The following DCC variants were observed in gnomAD, a reference collection of about 807,000 sequenced individuals.
The protein encoded by DCC is netrin receptor DCC.
Under a neutral mutation model 172.5 loss-of-function variants are expected in DCC, and 58 were observed. That is an observed-to-expected ratio of 0.34 (90% CI 0.27 to 0.42). The LOEUF (loss-of-function observed/expected upper bound fraction) is 0.42. Ranked by LOEUF, DCC falls within the 10% of genes least tolerant of loss-of-function variation. The pLI is 1.00. For missense variants in DCC, 1,740 were observed against 1,791.0 expected (o/e 0.97, Z 0.51); for synonymous variants, 709 against 644.5 (o/e 1.10, Z -1.52).
chr18:53,424,552 T>C (rs9950211), intron 21 of DCC, among the ~76,000 whole-genome samples: 5,686 of 152,192 alleles, frequency 0.037, 367 homozygotes, highest in African/African-American at 0.13. Flanking sequence ...AGATAAATCA[T>C]TGTGGGCTGG....
intron 14 of DCC, among the ~76,000 whole-genome samples, chr18:53,328,689 CA>C (rs1478926820): frequency 4.6e-5 from 7 of 152,046 alleles, no homozygotes; most frequent in Non-Finnish European, 7.4e-5. Context: ...CATCCACCAC[CA>C]TGCTTGGCTA....
intron 12 of DCC, among the ~76,000 whole-genome samples, chr18:53,254,766 C>G (rs945374892): frequency 5.9e-5 from 9 of 151,998 alleles, no homozygotes; most frequent in African/African-American, 1.9e-4. Flanking sequence ...TGGTCTTAAA[C>G]CTCACTCAGG....
intron 1 of DCC, among the ~76,000 whole-genome samples, chr18:52,685,326 A>T (rs140962016): frequency 1.1e-3 from 174 of 152,194 alleles, no homozygotes; most frequent in African/African-American, 4.1e-3. Flanking sequence ...TTTATTGATC[A>T]TTTCTCTTTA....
intron 5 of DCC, among the ~76,000 whole-genome samples, chr18:53,031,907 A>C (rs2042031095): frequency 6.6e-6 from 1 of 152,022 alleles, no homozygotes; most frequent in African/African-American, 2.4e-5. Context: ...AACTAATTTT[A>C]ATTTTCTGTT....
chr18:53,048,079 T>C (rs1243340177), intron 5 of DCC, among the ~76,000 whole-genome samples: 1 of 152,000 alleles, frequency 6.6e-6, no homozygotes, highest in African/African-American at 2.4e-5. Context: ...CTTTTTCTTT[T>C]GAGTTATGTT....
At chr18:53,042,547 T>C (rs2042183031) in intron 5 of DCC, among the ~76,000 whole-genome samples, 2 of 152,012 alleles carry the variant, frequency 1.3e-5, no homozygotes, top group Admixed American at 1.3e-4. Context: ...AGTCCCTCTT[T>C]TTCTATTGTT....
At chr18:52,361,088 A>C (rs1460112795) in intron 1 of DCC, among the ~76,000 whole-genome samples, 1 of 152,224 alleles carries the variant, frequency 6.6e-6, no homozygotes, top group Non-Finnish European at 1.5e-5. Flanking sequence ...TGAAGCTGAC[A>C]GTCATGTTGA....
At chr18:52,342,028 C>T (rs59493947) in intron 1 of DCC, among the ~76,000 whole-genome samples, 2,783 of 152,272 alleles carry the variant, frequency 0.018, 73 homozygotes, top group African/African-American at 0.064. Context: ...CCCCCAGCCT[C>T]CCCGGAGTCC....
chr18:52,450,792 G>T (rs1279639314), intron 1 of DCC, among the ~76,000 whole-genome samples: 1 of 152,082 alleles, frequency 6.6e-6, no homozygotes, highest in Non-Finnish European at 1.5e-5. Flanking sequence ...CACTATTGGA[G>T]AAAATGGCTA....
In DCC at chr18:52,786,309, G is replaced by A. The variant is rs151051694; in HGVS notation, c.412+33935G>A. On this transcript the variant is annotated intron_variant, in intron 2 of 28. Coordinates refer to ENST00000442544, the MANE Select transcript of DCC (RefSeq NM_005215.4). ...ACCCATCCCTTTTTGTTTCTTCCAA[G>A]CTGCAGGAAATCACCATTTGATTAC... 4.6e-5 allele frequency among the ~76,000 whole-genome samples: 7 copies of A among 152,064 alleles called. No individual in the cohort carries two copies. In the East Asian group the frequency reaches 1.4e-3, roughly 29 times the overall value.
At chr18:52,570,810 C>T (rs2144757997) in intron 1 of DCC, among the ~76,000 whole-genome samples, 1 of 152,206 alleles carries the variant, frequency 6.6e-6, no homozygotes. Context: ...GAATTCCTTT[C>T]CGTTATTCTG....
intron 3 of DCC, among the ~76,000 whole-genome samples, chr18:52,907,138 T>A (rs920290147): frequency 6.7e-6 from 1 of 150,344 alleles, no homozygotes; most frequent in Non-Finnish European, 1.5e-5. Context: ...ATACACAAAA[T>A]TTTAAATATA....
At chr18:52,340,937 C>A in intron 1 of DCC, 59 bp downstream of exon 1, 1 of 1,332,026 alleles carries the variant, frequency 7.5e-7, no homozygotes, top group Non-Finnish European at 1.1e-6. Flanking sequence ...CTTCCCTTCT[C>A]ATTTCATTTG....
intron 19 of DCC, among the ~76,000 whole-genome samples, chr18:53,410,242 TTATTC>T (rs2145053913): frequency 6.6e-6 from 1 of 152,292 alleles, no homozygotes; most frequent in Non-Finnish European, 1.5e-5. Flanking sequence ...TTCTAACAGC[TTATTC>T]TATTTTCTGA....
intron 9 of DCC, among the ~76,000 whole-genome samples, chr18:53,204,549 G>GAA (rs71175567): frequency 8.3e-4 from 116 of 140,286 alleles, no homozygotes; most frequent in East Asian, 3.9e-3. Context: ...TCTGTTTCTG[G>GAA]AAAAAAAAAA....
intron 13 of DCC, among the ~76,000 whole-genome samples, chr18:53,307,850 GGGACA>G (rs1476312814): frequency 1.4e-5 from 2 of 141,814 alleles, no homozygotes; most frequent in African/African-American, 2.6e-5. Flanking sequence ...TACTGCTTGT[GGGACA>G]GAAAATGTCC....
chr18:52,724,320 A>T (rs79806805), intron 1 of DCC, among the ~76,000 whole-genome samples: 1 of 151,792 alleles, frequency 6.6e-6, no homozygotes, highest in African/African-American at 2.4e-5. Context: ...TTATTTTATT[A>T]TTTTTTTTAA....
At chr18:53,395,009 T>TG (rs576906496) in intron 17 of DCC, among the ~76,000 whole-genome samples, 8 of 104,314 alleles carry the variant, frequency 7.7e-5, no homozygotes, top group South Asian at 3.5e-4. Flanking sequence ...CTGGGCGTGG[T>TG]GGGGGGGCGG....
chr18:52,570,251 T>C (rs886921743), intron 1 of DCC, among the ~76,000 whole-genome samples: 7 of 152,202 alleles, frequency 4.6e-5, no homozygotes, highest in African/African-American at 1.4e-4. Flanking sequence ...TGTGGCTTGC[T>C]TGATGGCTTA....
Sources: allele counts gnomAD v4.1 joint callset (sites outside exome capture counted in the v4.1 genomes callset), GRCh38; gene constraint gnomAD v4.1.1; transcripts MANE v1.5; gene names NCBI Gene and HGNC (gene_info 2026-07-23, HGNC 2026-07-21).